The following P4HA2 variants were observed in gnomAD, a reference collection of about 807,000 sequenced individuals.
The protein encoded by P4HA2 is prolyl 4-hydroxylase subunit alpha 2.
P4HA2 carries 46 observed loss-of-function variants against 76.9 expected under a neutral mutation model. That is an observed-to-expected ratio of 0.60 (90% CI 0.47 to 0.76). P4HA2 has a LOEUF of 0.76. Ranked by LOEUF, P4HA2 falls within the 30% of genes least tolerant of loss-of-function variation. The pLI, the probability that P4HA2 is intolerant of heterozygous loss-of-function variation, is 0.00. For missense variants in P4HA2, 583 were observed against 669.4 expected (o/e 0.87, Z 1.42); for synonymous variants, 243 against 254.0 (o/e 0.96, Z 0.41).
At chr5:132,223,301 C>T (rs561862583) in intron 1 of P4HA2, among the ~76,000 whole-genome samples, 12 of 152,316 alleles carry the variant, frequency 7.9e-5, no homozygotes, top group African/African-American at 2.4e-4. Flanking sequence ...CTCGCTCTGT[C>T]GCCCAGGCTG....
In P4HA2 at chr5:132,191,049, T is replaced by G. The variant is rs2126514291; in HGVS notation, c.*1961A>C. 6.6e-6 allele frequency among the ~76,000 whole-genome samples: 1 copy of G among 152,344 alleles called. No homozygotes were observed. The highest frequency in any genetic ancestry group is 2.1e-4 in the South Asian group (1 of 4,822). On this transcript the variant is annotated 3_prime_UTR_variant, in exon 15 of 15. Transcript: ENST00000360568. ...AGATCAAGATGCTAGTAGGTTTGTTTCTGGTAAGGGCCCCCTGGTTCATAG... is the reference window on the plus strand; with the variant it reads ...AGATCAAGATGCTAGTAGGTTTGTTGCTGGTAAGGGCCCCCTGGTTCATAG...
intron 10 of P4HA2, chr5:132,200,737 A>G (rs1751378551): frequency 6.6e-6 from 1 of 152,242 alleles, no homozygotes; most frequent in Non-Finnish European, 1.5e-5. Flanking sequence ...TACACTCAGG[A>G]AAATTCAATT....
chr5:132,192,772 G>T lies in P4HA2; in HGVS notation c.*238C>A. 2.0e-6 allele frequency: 1 copy of T among 507,962 alleles called. No homozygotes were observed. The highest frequency in any genetic ancestry group is 3.5e-6 in the Non-Finnish European group (1 of 284,324). 31.5% of individuals were successfully genotyped at this position (507,962 alleles called of 1,614,324 possible). A position where few individuals can be genotyped will look rare whatever the true frequency, so the allele number is the denominator to read the frequency against. The stretch of plus-strand genomic sequence containing the variant: ...AAGGCACCTTGCTAGGCGCTAGACA[G>T]CTAACTCTGCTGCAGCCACTTTGAT... On this transcript the variant is annotated 3_prime_UTR_variant, in exon 15 of 15. Coordinates refer to ENST00000360568, the MANE Select transcript of P4HA2 (RefSeq NM_001017974.2).
chr5:132,217,054 A>G, intron 4 of P4HA2, 143 bp downstream of exon 4: 1 of 641,928 alleles, frequency 1.6e-6, no homozygotes, highest in Non-Finnish European at 2.5e-6. Context: ...GAGAAGGGAG[A>G]GAGCCATGAG....
At chr5:132,213,616 C>T (rs1004523786) in intron 5 of P4HA2, among the ~76,000 whole-genome samples, 1 of 152,164 alleles carries the variant, frequency 6.6e-6, no homozygotes, top group African/African-American at 2.4e-5. Context: ...AGAAGCAGGT[C>T]TGAATGCAGA....
At chr5:132,225,129 C>T (rs1755193551) in intron 1 of P4HA2, among the ~76,000 whole-genome samples, 1 of 151,922 alleles carries the variant, frequency 6.6e-6, no homozygotes, top group East Asian at 1.9e-4. Context: ...ACAGGACCTT[C>T]CAGCCCTCTT....
At chr5:132,224,549 A>G (rs1367007119) in intron 1 of P4HA2, among the ~76,000 whole-genome samples, 1 of 152,254 alleles carries the variant, frequency 6.6e-6, no homozygotes, top group African/African-American at 2.4e-5. Context: ...AACAAGGCAG[A>G]AATTGGGCGA....
rs1331135673 is a variant in P4HA2 at position 132,204,093 on chromosome 5, C to T, written c.1140G>A (p.Arg380=). 1 of 1,613,642 alleles carries T rather than the reference C, an allele frequency of 6.2e-7. No individual in the cohort carries two copies. Among genetic ancestry groups the T allele is most frequent in the Admixed American group, 1.7e-5 (1 of 59,988 alleles). ...KTGVLTVASY[R]VSKSSWLEED... ...TGCTCTTTGCTTACCTTTTGGAAAC[C>T]CGGTAGCTGGCGACAGTGAGGACTC... The change falls in exon 9 of 15, where the codon CGG becomes CGA. Residue 380 remains arginine, a synonymous_variant. Transcript: ENST00000360568.
chr5:132,193,937 G>C (rs2126523336), intron 14 of P4HA2, among the ~76,000 whole-genome samples: 1 of 152,118 alleles, frequency 6.6e-6, no homozygotes, highest in African/African-American at 2.4e-5. Context: ...ATGATAAATA[G>C]CACTCCTCCT....
intron 1 of P4HA2, among the ~76,000 whole-genome samples, chr5:132,225,559 A>G (rs1357485683): frequency 3.3e-5 from 5 of 152,228 alleles, no homozygotes; most frequent in Admixed American, 1.3e-4. Flanking sequence ...CTCCCCTGGC[A>G]CATGGCCAGC....
At chr5:132,217,717 A>C in intron 3 of P4HA2, 35 bp downstream of exon 3, 1 of 1,275,310 alleles carries the variant, frequency 7.8e-7, no homozygotes, top group Non-Finnish European at 1.1e-6. Flanking sequence ...GAAGGGAAGG[A>C]AGGCCAACTA....
chr5:132,219,935 T>C (rs1754434936), intron 1 of P4HA2, among the ~76,000 whole-genome samples: 2 of 152,174 alleles, frequency 1.3e-5, no homozygotes, highest in Non-Finnish European at 2.9e-5. Context: ...AAGGAAAGCA[T>C]AAGTGAATGG....
Position 132,193,076 on chromosome 5 carries a change from G to T in P4HA2, c.1536C>A (p.Ser512=). 6.2e-7 allele frequency: 1 copy of T among 1,610,916 alleles called. No individual in the cohort carries two copies. The highest frequency in any genetic ancestry group is 8.5e-7 in the Non-Finnish European group (1 of 1,177,078). Residue 512 remains serine (S), a synonymous_variant, in exon 15 of 15, where the codon TCC becomes TCA. Coordinates refer to ENST00000360568, the MANE Select transcript of P4HA2 (RefSeq NM_001017974.2). ...CPVLVGCKWV[S]NKWFHERGQE... is the part of the protein sequence containing the mutation. ...GTCCTCGTTCATGGAACCACTTATT[G>T]GAGACTGTGAAAAGAAAGCAAGCAT...
chr5:132,213,765 A>G lies in P4HA2; in HGVS notation c.469+151T>C, dbSNP rs1580719822. ...GCAGGGGCTGAGGGAGAAACCTGTC[A>G]TGGGAGAGGGAGTCCAGCACAAACT... On this transcript the variant is annotated intron_variant, in intron 5 of 14. Coordinates refer to ENST00000360568, the MANE Select transcript of P4HA2 (RefSeq NM_001017974.2). 5 of 707,256 alleles carry G rather than the reference A, an allele frequency of 7.1e-6. No homozygotes were observed. In the East Asian group the frequency reaches 1.2e-4, roughly 18 times the overall value. The allele number at this position is 707,256 out of a possible 1,614,324, so 43.8% of individuals were successfully genotyped here. A position where few individuals can be genotyped will look rare whatever the true frequency, so the allele number is the denominator to read the frequency against.
intron 10 of P4HA2, chr5:132,203,412 T>C: frequency 3.9e-6 from 1 of 256,946 alleles, no homozygotes; most frequent in Non-Finnish European, 7.6e-6. Flanking sequence ...CTGAAGTCAT[T>C]TTTAGCTCTC....
At chr5:132,219,771 A>C (rs1016739655) in intron 1 of P4HA2, among the ~76,000 whole-genome samples, 1 of 152,178 alleles carries the variant, frequency 6.6e-6, no homozygotes, top group African/African-American at 2.4e-5. Context: ...ATGCCAGTTC[A>C]TCAGTTTTTT....
intron 6 of P4HA2, among the ~76,000 whole-genome samples, chr5:132,209,907 C>T (rs1429182595): frequency 6.6e-6 from 1 of 152,136 alleles, no homozygotes. Context: ...TCTAATAGCA[C>T]CGCTACTGTT....
At chr5:132,208,047 C>T (rs1347207086) in intron 7 of P4HA2, among the ~76,000 whole-genome samples, 163 bp from the exon 8 acceptor site, 1 of 152,016 alleles carries the variant, frequency 6.6e-6, no homozygotes, top group Non-Finnish European at 1.5e-5. Context: ...TGCACAGTGG[C>T]TCATGCCTGT....
At chr5:132,197,609 A>C (rs1050169749) in intron 12 of P4HA2, among the ~76,000 whole-genome samples, 14 of 122,122 alleles carry the variant, frequency 1.1e-4, no homozygotes, top group Admixed American at 5.4e-4. Flanking sequence ...CTCCATCTCC[A>C]AAAAAAAAAA....
Sources: gnomAD v4.1 joint callset for allele counts (sites outside exome capture counted in the v4.1 genomes callset) on GRCh38, gnomAD v4.1.1 for gene constraint, MANE v1.5 for transcripts, NCBI Gene and HGNC (gene_info 2026-07-23, HGNC 2026-07-21) for gene names.